Variants in URI1 observed in about 807,000 individuals in gnomAD.
URI1 encodes unconventional prefoldin RPB5 interactor 1.
Under a neutral mutation model 60.2 loss-of-function variants are expected in URI1, and 39 were observed. That is an observed-to-expected ratio of 0.65 (90% CI 0.50 to 0.85). The LOEUF (loss-of-function observed/expected upper bound fraction) is 0.85. URI1 is among the 40% of genes least tolerant of loss of function. URI1 has a pLI of 0.00. For missense variants in URI1, 691 were observed against 665.9 expected, an observed-to-expected ratio of 1.04 and a Z score of -0.42; for synonymous variants, 251 against 236.8, an observed-to-expected ratio of 1.06 and a Z score of -0.55.
chr19:29,931,486 A>C (rs1427889381), intron 1 of URI1, among the ~76,000 whole-genome samples: 1 of 152,156 alleles, frequency 6.6e-6, no homozygotes, highest in Non-Finnish European at 1.5e-5. Flanking sequence ...TATTGAACCA[A>C]GGCCCCACCT....
chr19:29,998,535 GATTGAACCTTTT>G (rs1022725999), intron 4 of URI1, among the ~76,000 whole-genome samples: 5 of 152,126 alleles, frequency 3.3e-5, no homozygotes, highest in Non-Finnish European at 7.4e-5. Flanking sequence ...TATCTTGATA[GATTGAACCTTTT>G]ATCAGTGTGA....
intron 2 of URI1, among the ~76,000 whole-genome samples, chr19:29,980,731 G>A (rs1698990095): frequency 1.3e-5 from 2 of 149,194 alleles, no homozygotes; most frequent in African/African-American, 4.9e-5. Context: ...AGACCAGCCT[G>A]ACCAACATGG....
At chr19:29,970,181 G>A (rs1191582158) in intron 1 of URI1, among the ~76,000 whole-genome samples, 1 of 114,638 alleles carries the variant, frequency 8.7e-6, no homozygotes, top group South Asian at 3.0e-4. Flanking sequence ...GTGAAACATT[G>A]AGCATATACA....
At chr19:29,992,170 A>G (rs2055754655) in intron 4 of URI1, among the ~76,000 whole-genome samples, 1 of 152,148 alleles carries the variant, frequency 6.6e-6, no homozygotes, top group Admixed American at 6.5e-5. Flanking sequence ...CCCAAGTTCA[A>G]GTGGTTCTCC....
intron 4 of URI1, among the ~76,000 whole-genome samples, chr19:29,987,719 TATACTAC>T (rs1438304887): frequency 6.6e-6 from 1 of 152,208 alleles, no homozygotes; most frequent in African/African-American, 2.4e-5. Flanking sequence ...TGGGAATACT[TATACTAC>T]AATAGAATAG....
intron 2 of URI1, among the ~76,000 whole-genome samples, chr19:29,971,835 G>A (rs984106316): frequency 6.6e-6 from 1 of 151,844 alleles, no homozygotes; most frequent in African/African-American, 2.4e-5. Context: ...ATTATGAGTT[G>A]TCATGAAGTA....
intron 1 of URI1, among the ~76,000 whole-genome samples, chr19:29,948,371 G>A (rs1254821546): frequency 6.6e-6 from 1 of 152,100 alleles, no homozygotes; most frequent in East Asian, 1.9e-4. Context: ...AGTAATTTTT[G>A]TATTTGCTTT....
intron 2 of URI1, among the ~76,000 whole-genome samples, chr19:29,975,353 A>G (rs2055507367): frequency 1.3e-5 from 2 of 152,112 alleles, no homozygotes; most frequent in Admixed American, 1.3e-4. Context: ...GAGACAAGAA[A>G]GACTATATAT....
intron 1 of URI1, among the ~76,000 whole-genome samples, chr19:29,951,066 G>C (rs1002080788): frequency 1.3e-5 from 2 of 152,086 alleles, no homozygotes; most frequent in African/African-American, 4.8e-5. Flanking sequence ...GTCCAGCCTG[G>C]GCAACAAAGT....
Position 29,942,507 on chromosome 19 carries a change from GT to G in URI1, c.-39del, listed in dbSNP as rs1456647717. ...GGCCGCGCCGCCTGCGCAGGCGCTG[GT>G]TCAGGACTCACACGCCGCGCTGAGG... On this transcript the variant is annotated 5_prime_UTR_variant, in exon 1 of 11. The change abolishes the stop of an existing upstream ORF in the 5' untranslated region. Transcript: ENST00000392271. 8.5e-6 allele frequency: 11 copies of G among 1,292,350 alleles called. No individual in the cohort carries two copies. Among genetic ancestry groups the G allele is most frequent in the Admixed American group, 3.9e-5 (1 of 25,928 alleles). The allele number at this position is 1,292,350 out of a possible 1,614,324, so 80.1% of individuals were successfully genotyped here. A position where few individuals can be genotyped will look rare whatever the true frequency, so the allele number is the denominator to read the frequency against.
chr19:29,942,122 G>A (rs1353677423), upstream of URI1: 2 of 744,760 alleles, frequency 2.7e-6, no homozygotes, highest in Non-Finnish European at 3.3e-6. Flanking sequence ...GACACCGCCA[G>A]CCCCAGCCAC....
Position 29,969,473 on chromosome 19 carries a change from C to T in URI1, c.118-1720C>T, listed in dbSNP as rs113826413. Among the ~76,000 whole-genome samples, 843 of 152,218 alleles carry T rather than the reference C, an allele frequency of 5.5e-3. 11 individuals carry two copies. Among genetic ancestry groups the T allele is most frequent in the African/African-American group, 0.019 (806 of 41,524 alleles). ...GACTATCTTCTATAACCTTTAACAC[C>T]GTCACTAATGGATATAGCTTAGAAG... On this transcript the variant is annotated intron_variant, in intron 1 of 10. Transcript: ENST00000392271.
At chr19:29,959,711 T>G (rs905420806) in intron 1 of URI1, among the ~76,000 whole-genome samples, 3 of 152,216 alleles carry the variant, frequency 2.0e-5, no homozygotes, top group African/African-American at 7.2e-5. Context: ...GTCCTCTTTT[T>G]AATTACTGTA....
intron 1 of URI1, among the ~76,000 whole-genome samples, chr19:29,947,426 T>G (rs2055116249): frequency 6.6e-6 from 1 of 152,252 alleles, no homozygotes; most frequent in Non-Finnish European, 1.5e-5. Flanking sequence ...GTTTGTGTCT[T>G]CAGTTCCACT....
At chr19:29,960,447 A>G (rs916087311) in intron 1 of URI1, among the ~76,000 whole-genome samples, 1 of 152,058 alleles carries the variant, frequency 6.6e-6, no homozygotes, top group Non-Finnish European at 1.5e-5. Flanking sequence ...TTTTACAGCT[A>G]TGTTATTCAT....
intron 4 of URI1, among the ~76,000 whole-genome samples, chr19:29,988,636 G>A (rs546861719): frequency 1.1e-4 from 16 of 152,296 alleles, no homozygotes; most frequent in South Asian, 2.1e-4. Context: ...GGAGTGTTCC[G>A]TTACATGCAT....
At chr19:29,980,636 A>C (rs1274596659) in intron 2 of URI1, among the ~76,000 whole-genome samples, 1 of 148,500 alleles carries the variant, frequency 6.7e-6, no homozygotes, top group Non-Finnish European at 1.5e-5. Context: ...AAAAAAAAAA[A>C]AAACTGGGCC....
At chr19:30,014,643 ATTTACAT>A (rs2056062799) in intron 10 of URI1, among the ~76,000 whole-genome samples, 3 of 152,170 alleles carry the variant, frequency 2.0e-5, no homozygotes, top group African/African-American at 7.2e-5. Context: ...CCCAGATAAA[ATTTACAT>A]TTTACATTTT....
chr19:29,935,446 CA>C (rs1004831589), intron 1 of URI1, among the ~76,000 whole-genome samples: 2 of 152,098 alleles, frequency 1.3e-5, no homozygotes, highest in Non-Finnish European at 2.9e-5. Context: ...ACAAAACCTA[CA>C]ATAATACTGG....
Sources: allele counts gnomAD v4.1 joint callset (sites outside exome capture counted in the v4.1 genomes callset), GRCh38; gene constraint gnomAD v4.1.1; transcripts MANE v1.5; gene names NCBI Gene and HGNC (gene_info 2026-07-23, HGNC 2026-07-21).